WDPCP: variants seen among roughly 807,000 people sequenced by gnomAD.
WDPCP encodes WD repeat-containing and planar cell polarity effector protein fritz homolog.
A neutral mutation model predicts 93.1 loss-of-function variants in WDPCP; 71 were observed. The ratio of observed to expected loss-of-function variants is 0.76; its 90% CI spans 0.63 to 0.93. The LOEUF (loss-of-function observed/expected upper bound fraction) is 0.93. Ranked by LOEUF, WDPCP falls within the 40% of genes least tolerant of loss-of-function variation. The pLI, the probability that WDPCP is intolerant of heterozygous loss-of-function variation, is 0.00. For missense variants in WDPCP, 844 were observed against 887.4 expected, an observed-to-expected ratio of 0.95 and a Z score of 0.62; for synonymous variants, 315 against 315.0, an observed-to-expected ratio of 1.00 and a Z score of 0.00.
At chr2:63,840,269 G>A in the WDPCP span, among the ~76,000 whole-genome samples, 1 of 152,210 alleles carries the variant, frequency 6.6e-6, no homozygotes, top group Non-Finnish European at 1.5e-5. Context: ...GCCGTGGGCT[G>A]GCCCTGTAAC....
intron 12 of WDPCP, among the ~76,000 whole-genome samples, chr2:63,342,510 C>T (rs535662455): frequency 2.2e-4 from 33 of 152,136 alleles, no homozygotes; most frequent in African/African-American, 7.5e-4. Context: ...TCTTCATTGC[C>T]TTTTCTGTAT....
intron 15 of WDPCP, among the ~76,000 whole-genome samples, chr2:63,170,595 G>T (rs921264096): frequency 3.9e-5 from 6 of 152,016 alleles, no homozygotes; most frequent in African/African-American, 1.4e-4. Flanking sequence ...ATTCAGAGTG[G>T]GTTTCAATAT....
chr2:63,433,787 T>C lies in WDPCP; in HGVS notation c.783A>G (p.Arg261=). The C allele has an allele frequency of 3.7e-6, 6 of 1,612,326 alleles. No homozygotes were observed. Among genetic ancestry groups the C allele is most frequent in the Non-Finnish European group, 5.1e-6 (6 of 1,178,452 alleles). ...PWAPISSEKD[R]ANLLLLGYAQ... ...CATAACCCAGGAGGAGTAGATTGGC[T>C]CTGTCCTTCTCAGAAGAAATGGGGG... The change falls in exon 9 of 18, where the codon AGA becomes AGG. Residue 261 remains arginine (R), a synonymous_variant. Transcript: ENST00000272321.
intron 12 of WDPCP, among the ~76,000 whole-genome samples, chr2:63,360,886 T>C (rs1011626521): frequency 3.3e-5 from 5 of 152,208 alleles, no homozygotes; most frequent in African/African-American, 1.2e-4. Flanking sequence ...ACTATCAGGA[T>C]GACTACACAG....
Position 63,384,898 on chromosome 2 carries a change from A to G in WDPCP, c.1436-2804T>C, listed in dbSNP as rs1290321450. On this transcript the variant is annotated intron_variant, in intron 10 of 17. Coordinates refer to ENST00000272321, the MANE Select transcript of WDPCP (RefSeq NM_015910.7). The stretch of plus-strand genomic sequence containing the variant: ...AATAAAAAGAAAACTACAGACCAAT[A>G]TTTCCCATAAACAAACACAAAAACC... 3.3e-5 allele frequency among the ~76,000 whole-genome samples: 5 copies of G among 152,144 alleles called. No homozygotes were observed. The East Asian group carries it at 9.7e-4, about 29-fold the overall frequency.
intron 13 of WDPCP, among the ~76,000 whole-genome samples, chr2:63,298,100 G>A (rs1026707461): frequency 1.3e-5 from 2 of 152,124 alleles, no homozygotes; most frequent in Non-Finnish European, 2.9e-5. Flanking sequence ...ATCTAAACGG[G>A]ACACAACGCA....
intron 1 of WDPCP, among the ~76,000 whole-genome samples, chr2:63,538,831 T>C (rs1389836112): frequency 1.3e-5 from 2 of 152,234 alleles, no homozygotes; most frequent in African/African-American, 2.4e-5. Flanking sequence ...TAGAATTTCA[T>C]TATATAATAG....
intron 2 of WDPCP, among the ~76,000 whole-genome samples, chr2:63,766,303 T>C (rs551661188): frequency 5.9e-5 from 9 of 152,128 alleles, no homozygotes; most frequent in Non-Finnish European, 1.3e-4. Flanking sequence ...ATAAAGAAAT[T>C]AGGCTGGAAG....
chr2:63,195,819 G>A (rs1675388714), intron 14 of WDPCP, among the ~76,000 whole-genome samples: 1 of 152,100 alleles, frequency 6.6e-6, no homozygotes, highest in South Asian at 2.1e-4. Context: ...TTATCAAAAT[G>A]TATACACACA....
intron 11 of WDPCP, among the ~76,000 whole-genome samples, chr2:63,379,370 T>C (rs1432577535): frequency 6.6e-6 from 1 of 152,150 alleles, no homozygotes; most frequent in South Asian, 2.1e-4. Context: ...TTAGGCATAT[T>C]TGGGTTTGAA....
chr2:63,593,733 G>A (rs956427711), upstream of WDPCP: 18 of 468,632 alleles, frequency 3.8e-5, no homozygotes, highest in Middle Eastern at 3.3e-4. Context: ...TACCCATTAC[G>A]TTTCTAAACA....
chr2:63,751,948 C>G, intron 2 of WDPCP: 1 of 654,262 alleles, frequency 1.5e-6, no homozygotes, highest in East Asian at 3.1e-5. Context: ...ACCATGACCA[C>G]AGCTGCCATC....
chr2:63,319,918 T>C (rs954274417), intron 12 of WDPCP, among the ~76,000 whole-genome samples: 5 of 152,156 alleles, frequency 3.3e-5, no homozygotes, highest in African/African-American at 1.2e-4. Context: ...ATGTAATTAA[T>C]TGACAAAAAG....
intron 1 of WDPCP, among the ~76,000 whole-genome samples, chr2:63,562,621 G>A (rs1435171471): frequency 6.6e-6 from 1 of 152,134 alleles, no homozygotes; most frequent in Non-Finnish European, 1.5e-5. Context: ...TTATTACTAT[G>A]AGAATTGCCA....
intron 2 of WDPCP, among the ~76,000 whole-genome samples, chr2:63,785,549 C>G (rs547709685): frequency 6.6e-6 from 1 of 151,994 alleles, no homozygotes; most frequent in East Asian, 1.9e-4. Flanking sequence ...TAATTTTTTC[C>G]CTAGAGGGCC....
chr2:63,371,490 C>A (rs543621012), intron 12 of WDPCP, among the ~76,000 whole-genome samples: 1 of 152,092 alleles, frequency 6.6e-6, no homozygotes, highest in African/African-American at 2.4e-5. Context: ...CAATTCCTTA[C>A]AATAATCTAC....
rs181161076 is a variant in WDPCP, at chr2:63,573,565, G to A, written c.75+14632C>T. Among the ~76,000 whole-genome samples, 42 of 152,228 alleles carry A rather than the reference G, an allele frequency of 2.8e-4. No individual in the cohort carries two copies. The East Asian group carries it at 3.5e-3, about 13-fold the overall frequency. On this transcript the variant is annotated intron_variant, in intron 1 of 17. Transcript: ENST00000272321. ...TCTCTTAATTCCATCATCTTCGTAAGCTGAGGAGGATGTATGCCGCCTCAG... is the reference window on the plus strand; with the variant it reads ...TCTCTTAATTCCATCATCTTCGTAAACTGAGGAGGATGTATGCCGCCTCAG...
chr2:63,145,402 C>T (rs551230560), intron 17 of WDPCP, among the ~76,000 whole-genome samples: 5 of 152,214 alleles, frequency 3.3e-5, no homozygotes, highest in African/African-American at 1.2e-4. Context: ...CATGTCTGAG[C>T]TCAGACTCTC....
intron 12 of WDPCP, among the ~76,000 whole-genome samples, chr2:63,362,270 T>TG (rs1342926005): frequency 1.5e-5 from 2 of 130,822 alleles, no homozygotes; most frequent in African/African-American, 6.2e-5. Flanking sequence ...TTTTTTTTTT[T>TG]TTTTGGTTGT....
Sources: allele counts gnomAD v4.1 joint callset (sites outside exome capture counted in the v4.1 genomes callset), GRCh38; gene constraint gnomAD v4.1.1; transcripts MANE v1.5; gene names NCBI Gene and HGNC (gene_info 2026-07-23, HGNC 2026-07-21).